The following FSTL5 variants were observed in gnomAD, a reference collection of about 807,000 sequenced individuals.
The protein encoded by FSTL5 is follistatin like 5.
Under a neutral mutation model 89.1 loss-of-function variants are expected in FSTL5, and 62 were observed. The ratio of observed to expected loss-of-function variants is 0.70; its 90% CI spans 0.57 to 0.86. The LOEUF is 0.86. Among genes scored for constraint, FSTL5 ranks in the 40% least tolerant of loss-of-function variants. The pLI is 0.00. For missense variants in FSTL5, 1,057 were observed against 1,001.6 expected (o/e 1.06, Z -0.75); for synonymous variants, 383 against 346.2 (o/e 1.11, Z -1.18).
In FSTL5 at chr4:161,602,246, GGAGAGAAAGAGAGAGA is replaced by G. The variant is rs1734272770; in HGVS notation, c.895-14687_895-14672del. 1.0e-4 allele frequency among the ~76,000 whole-genome samples: 9 copies of G among 87,470 alleles called. 1 individual carries two copies. The South Asian group carries it at 3.5e-3, about 34-fold the overall frequency. 57.4% of individuals were successfully genotyped at this position (87,470 alleles called of 152,430 possible). On this transcript the variant is annotated intron_variant, in intron 7 of 15. Transcript: ENST00000306100. ...GAGAGAGTGAGAGAGTGAGAGAGAG[GGAGAGAAAGAGAGAGA>G]GAGAGAGAGAGAGAGAGAGAGAGAG...
chr4:161,810,772 C>T (rs1730113123), intron 4 of FSTL5, among the ~76,000 whole-genome samples: 1 of 152,062 alleles, frequency 6.6e-6, no homozygotes, highest in African/African-American at 2.4e-5. Context: ...TTTGTATAAA[C>T]TCAACATATA....
At chr4:161,527,008 AT>A (rs1467350979) in intron 10 of FSTL5, among the ~76,000 whole-genome samples, 4 of 152,148 alleles carry the variant, frequency 2.6e-5, no homozygotes, top group African/African-American at 9.7e-5. Context: ...TGGGGATGGC[AT>A]TGAATCTATA....
intron 6 of FSTL5, among the ~76,000 whole-genome samples, chr4:161,696,950 T>G (rs1368404189): frequency 1.3e-5 from 2 of 152,236 alleles, no homozygotes; most frequent in African/African-American, 4.8e-5. Context: ...TTTCTTTCTC[T>G]TGTCTGATTT....
chr4:161,894,752 G>A (rs1044360656), intron 4 of FSTL5, among the ~76,000 whole-genome samples: 18 of 152,102 alleles, frequency 1.2e-4, no homozygotes, highest in Admixed American at 1.3e-4. Flanking sequence ...GGCATGAGCC[G>A]TCATGCCCGG....
chr4:161,776,810 A>C (rs1246667224), intron 4 of FSTL5, among the ~76,000 whole-genome samples: 1 of 152,044 alleles, frequency 6.6e-6, no homozygotes, highest in Non-Finnish European at 1.5e-5. Flanking sequence ...ATGTGCAATG[A>C]TTAAAATCAG....
intron 6 of FSTL5, among the ~76,000 whole-genome samples, chr4:161,702,634 C>T (rs556744461): frequency 3.3e-5 from 5 of 152,286 alleles, no homozygotes; most frequent in African/African-American, 9.6e-5. Context: ...GTTGCCACAG[C>T]TGTAGAATGC....
intron 3 of FSTL5, among the ~76,000 whole-genome samples, chr4:161,988,710 C>G (rs998092138): frequency 1.3e-5 from 2 of 151,972 alleles, no homozygotes. Flanking sequence ...TAATTTTTCC[C>G]TTTTCTGGTG....
At chr4:161,513,486 C>T (rs934787469) in intron 10 of FSTL5, among the ~76,000 whole-genome samples, 2 of 152,002 alleles carry the variant, frequency 1.3e-5, no homozygotes, top group Non-Finnish European at 2.9e-5. Flanking sequence ...GGGTATATAC[C>T]CAAATGTGTA....
Position 161,707,081 on chromosome 4 carries a change from GA to G in FSTL5, c.728-50588del, listed in dbSNP as rs556977765. Among the ~76,000 whole-genome samples, 13 of 151,452 alleles carry G rather than the reference GA, an allele frequency of 8.6e-5. No homozygotes were observed. In the South Asian group the frequency reaches 1.9e-3, roughly 22 times the overall value. On this transcript the variant is annotated intron_variant, in intron 6 of 15. Coordinates refer to ENST00000306100, the MANE Select transcript of FSTL5 (RefSeq NM_020116.5). Reference sequence around the variant, plus strand: ...TACCTGTTGTAATGCACTTATTTCAGAAAAAAATCTAAACCAAACACAAATT... The same window carrying G: ...TACCTGTTGTAATGCACTTATTTCAGAAAAAATCTAAACCAAACACAAATT...
chr4:161,412,478 C>T (rs1005977509), intron 15 of FSTL5, among the ~76,000 whole-genome samples: 3 of 151,912 alleles, frequency 2.0e-5, no homozygotes, highest in South Asian at 2.1e-4. Flanking sequence ...GGGTGGGGAA[C>T]ATCACACACT....
chr4:161,814,868 A>G (rs1730275698), intron 4 of FSTL5, among the ~76,000 whole-genome samples: 1 of 152,092 alleles, frequency 6.6e-6, no homozygotes, highest in African/African-American at 2.4e-5. Context: ...AGAATGTCTC[A>G]GTGCAAAAAG....
At chr4:162,094,992 T>C (rs115142091) in intron 2 of FSTL5, among the ~76,000 whole-genome samples, 1,527 of 152,218 alleles carry the variant, frequency 0.01, 14 homozygotes, top group Non-Finnish European at 0.015. Flanking sequence ...CTGATGGCAA[T>C]ATTTTCAAAA....
chr4:161,917,423 G>A (rs762616775), intron 4 of FSTL5, among the ~76,000 whole-genome samples: 3 of 152,018 alleles, frequency 2.0e-5, no homozygotes, highest in Non-Finnish European at 4.4e-5. Flanking sequence ...TTCTTTGTGA[G>A]ATGCATTTGT....
At chr4:161,480,988 TTTA>T (rs1481328930) in intron 13 of FSTL5, 29 bp downstream of exon 13, 5 of 1,466,392 alleles carry the variant, frequency 3.4e-6, no homozygotes, top group Non-Finnish European at 4.7e-6. Context: ...TTTTTAAAGA[TTTA>T]CTTTTTAAAA....
At chr4:161,400,798 C>A (rs1285460219) in intron 15 of FSTL5, among the ~76,000 whole-genome samples, 2 of 152,020 alleles carry the variant, frequency 1.3e-5, no homozygotes, top group African/African-American at 4.8e-5. Context: ...TAGCAGTGTA[C>A]ATGAGAAAAC....
chr4:162,042,084 C>T (rs1737985188), intron 2 of FSTL5: 1 of 151,492 alleles, frequency 6.6e-6, no homozygotes, highest in Admixed American at 6.6e-5. Flanking sequence ...CAGGACACGG[C>T]AGTTTTGGTG....
chr4:161,748,630 T>C (rs1740286281), intron 6 of FSTL5, among the ~76,000 whole-genome samples: 1 of 102,636 alleles, frequency 9.7e-6, no homozygotes, highest in African/African-American at 3.6e-5. Context: ...TTTTTTTTTC[T>C]CAGACTGAAC....
chr4:161,826,941 AT>A (rs202031213), intron 4 of FSTL5, among the ~76,000 whole-genome samples: 4 of 152,066 alleles, frequency 2.6e-5, no homozygotes, highest in South Asian at 2.1e-4. Context: ...CCTGAATAAC[AT>A]TTTTTTAAAT....
chr4:161,879,155 T>A (rs190875604), intron 4 of FSTL5, among the ~76,000 whole-genome samples: 1 of 152,164 alleles, frequency 6.6e-6, no homozygotes, highest in African/African-American at 2.4e-5. Context: ...ATTACCAACA[T>A]CTCTCTGTCT....
Sources: gnomAD v4.1 joint callset for allele counts (sites outside exome capture counted in the v4.1 genomes callset) on GRCh38, gnomAD v4.1.1 for gene constraint, MANE v1.5 for transcripts, NCBI Gene and HGNC (gene_info 2026-07-23, HGNC 2026-07-21) for gene names.